The following GALK2 variants were observed in gnomAD, a reference collection of about 807,000 sequenced individuals.
GALK2 encodes N-acetylgalactosamine kinase.
A neutral mutation model predicts 52.4 loss-of-function variants in GALK2; 36 were observed. The ratio of observed to expected loss-of-function variants is 0.69; its 90% confidence interval spans 0.53 to 0.91. The LOEUF (loss-of-function observed/expected upper bound fraction) is 0.91. GALK2 is among the 40% of genes least tolerant of loss of function. GALK2 has a pLI of 0.00. For missense variants in GALK2, 579 were observed against 559.1 expected, an observed-to-expected ratio of 1.04 and a Z score of -0.36; for synonymous variants, 176 against 199.1, an observed-to-expected ratio of 0.88 and a Z score of 0.98.
At chr15:49,200,336 G>C (rs1165627076) in intron 1 of GALK2, among the ~76,000 whole-genome samples, 3 of 152,168 alleles carry the variant, frequency 2.0e-5, no homozygotes, top group African/African-American at 7.2e-5. Flanking sequence ...ACCCAGTCTA[G>C]TTTTCATTTG....
rs924393384 is a variant in GALK2, at chr15:49,269,234, G to T, written c.505-12753G>T. On this transcript the variant is annotated intron_variant, in intron 5 of 9. Coordinates refer to ENST00000560031, the MANE Select transcript of GALK2 (RefSeq NM_002044.4). ...CTCCCATGGTGTGTAGCATAGAGCCGCAAATATATATTTAAAAAGTGCTGT... is the reference window on the plus strand; with the variant it reads ...CTCCCATGGTGTGTAGCATAGAGCCTCAAATATATATTTAAAAAGTGCTGT... 4.6e-5 allele frequency among the ~76,000 whole-genome samples: 7 copies of T among 152,104 alleles called. No individual in the cohort carries two copies. The East Asian group carries it at 1.3e-3, about 29-fold the overall frequency.
intron 5 of GALK2, among the ~76,000 whole-genome samples, chr15:49,248,120 C>T (rs1342613545): frequency 1.3e-5 from 2 of 152,308 alleles, no homozygotes; most frequent in African/African-American, 2.4e-5. Flanking sequence ...CATATAGCTG[C>T]ATTTCAGTGA....
intron 1 of GALK2, among the ~76,000 whole-genome samples, chr15:49,180,876 C>T (rs748935502): frequency 2.4e-4 from 36 of 152,114 alleles, no homozygotes; most frequent in Non-Finnish European, 4.4e-4. Flanking sequence ...ATTTATCTTA[C>T]GGCTCATATC....
intron 7 of GALK2, among the ~76,000 whole-genome samples, chr15:49,287,461 T>C (rs1490760111): frequency 6.6e-6 from 1 of 152,192 alleles, no homozygotes; most frequent in Non-Finnish European, 1.5e-5. Flanking sequence ...GATATTGATA[T>C]TAGGAATATG....
chr15:49,207,649 A>G (rs532104564), intron 2 of GALK2, among the ~76,000 whole-genome samples: 4 of 152,306 alleles, frequency 2.6e-5, no homozygotes, highest in South Asian at 2.1e-4. Flanking sequence ...AAAGGTGTTC[A>G]TAGTCGCCTT....
intron 3 of GALK2, among the ~76,000 whole-genome samples, chr15:49,228,688 T>TATATATATATGTATA: frequency 9.6e-5 from 1 of 10,452 alleles, no homozygotes; most frequent in Non-Finnish European, 1.8e-4. Flanking sequence ...TATATATATA[T>TATATATATATGTATA]TTTTTTTTTT....
intron 1 of GALK2, among the ~76,000 whole-genome samples, chr15:49,197,206 A>G (rs2087310873): frequency 6.6e-6 from 1 of 152,192 alleles, no homozygotes; most frequent in Non-Finnish European, 1.5e-5. Flanking sequence ...TGCCTATAAT[A>G]CCTTTGCCCA....
intron 1 of GALK2, among the ~76,000 whole-genome samples, chr15:49,190,136 A>T (rs1595578102): frequency 6.6e-6 from 1 of 152,340 alleles, no homozygotes; most frequent in Non-Finnish European, 1.5e-5. Flanking sequence ...CCAAAAGATT[A>T]TCAGGTATCT....
intron 3 of GALK2, among the ~76,000 whole-genome samples, chr15:49,232,270 T>C (rs2090544020): frequency 6.6e-6 from 1 of 152,210 alleles, no homozygotes; most frequent in African/African-American, 2.4e-5. Context: ...GCCTGAGCTG[T>C]ATCTGAAGTC....
chr15:49,351,585 C>T (rs367610477), intron 3 of GALK2, among the ~76,000 whole-genome samples: 24 of 152,306 alleles, frequency 1.6e-4, no homozygotes, highest in Middle Eastern at 3.4e-3. Flanking sequence ...ACACATACAC[C>T]GTCCCAAGTT....
chr15:49,156,116 T>C, intron 1 of GALK2: 1 of 1,126,878 alleles, frequency 8.9e-7, no homozygotes, highest in Admixed American at 1.8e-5. Flanking sequence ...CAGTTTACAC[T>C]TAATGCTTGT....
Position 49,220,058 on chromosome 15 carries a change from C to CTTTT in GALK2, c.266+2762_266+2765dup, listed in dbSNP as rs34707025. On this transcript the variant is annotated intron_variant, in intron 3 of 9. Coordinates refer to ENST00000560031, the MANE Select transcript of GALK2 (RefSeq NM_002044.4). ...TTTTGAGTTTCTTATAGATACAAGT[C>CTTTT]TTTTTTTTTTTTTTTTTTTTGAGAC... Among the ~76,000 whole-genome samples the CTTTT allele has an allele frequency of 8.0e-4, 74 of 92,714 alleles. 1 individual carries two copies. Among genetic ancestry groups the CTTTT allele is most frequent in the African/African-American group, 2.0e-3 (48 of 24,276 alleles). The allele number at this position is 92,714 out of a possible 152,430, so 60.8% of individuals were successfully genotyped here.
In GALK2 at chr15:49,230,999, G is replaced by GT. The variant is rs201090612; in HGVS notation, c.267-4843dup. Among the ~76,000 whole-genome samples the GT allele has an allele frequency of 6.1e-3, 930 of 151,346 alleles. 7 individuals are homozygous for GT. The highest frequency in any genetic ancestry group is 7.4e-3 in the Non-Finnish European group (501 of 67,770). On this transcript the variant is annotated intron_variant, in intron 3 of 9. Transcript: ENST00000560031. ...AAGATCAATAACTAATCAAAAAGCA[G>GT]TTTTTTTTTGTTTTTTTCTGACAGA...
At chr15:49,335,789 A>C (rs931328014), downstream of GALK2, among the ~76,000 whole-genome samples, 2 of 152,228 alleles carry the variant, frequency 1.3e-5, no homozygotes, top group African/African-American at 4.8e-5. Flanking sequence ...TAAAAGCAGC[A>C]ACTTGTTAAA....
intron 5 of GALK2, among the ~76,000 whole-genome samples, chr15:49,257,873 T>C (rs2091879762): frequency 6.6e-6 from 1 of 150,918 alleles, no homozygotes; most frequent in Non-Finnish European, 1.5e-5. Flanking sequence ...CAATATATTC[T>C]ATTTTATAAG....
chr15:49,308,912 G>T (rs1428315211), intron 8 of GALK2, among the ~76,000 whole-genome samples: 1 of 152,168 alleles, frequency 6.6e-6, no homozygotes, highest in Non-Finnish European at 1.5e-5. Flanking sequence ...TAGCATCTGG[G>T]CCCCTTTTCC....
chr15:49,201,168 G>A lies in GALK2; in HGVS notation c.60G>A (p.Leu20=), dbSNP rs761943991. 1.3e-6 allele frequency: 2 copies of A among 1,589,474 alleles called. No individual in the cohort carries two copies. Among genetic ancestry groups the A allele is most frequent in the South Asian group, 2.2e-5 (2 of 90,288 alleles). ...RVQVAEHPRL[L]KLKEMFNSKF... ...ATTGTACTTTTATTTTCAGGTTACT[G>A]AAGCTAAAGGAGATGTTTAACTCCA... Residue 20 remains leucine (L), a synonymous_variant, in exon 2 of 10, where the codon CTG becomes CTA. Coordinates refer to ENST00000560031, the MANE Select transcript of GALK2 (RefSeq NM_002044.4).
chr15:49,223,361 A>AT (rs2089940714), intron 3 of GALK2, among the ~76,000 whole-genome samples: 1 of 151,648 alleles, frequency 6.6e-6, no homozygotes, highest in South Asian at 2.1e-4. Context: ...GATTCTTTGT[A>AT]TTTTTTCAGT....
At chr15:49,171,454 C>G (rs1187298358) in intron 1 of GALK2, among the ~76,000 whole-genome samples, 1 of 152,148 alleles carries the variant, frequency 6.6e-6, no homozygotes, top group East Asian at 1.9e-4. Flanking sequence ...GCTCTTCCTA[C>G]TTGGTGGTTT....
Sources: gnomAD v4.1 joint callset for allele counts (sites outside exome capture counted in the v4.1 genomes callset) on GRCh38, gnomAD v4.1.1 for gene constraint, MANE v1.5 for transcripts, NCBI Gene and HGNC (gene_info 2026-07-23, HGNC 2026-07-21) for gene names.